ADGRA3: variants seen among roughly 807,000 people sequenced by gnomAD.
ADGRA3 encodes the protein adhesion G protein-coupled receptor A3, also known as G-protein coupled receptor 125.
ADGRA3 carries 56 observed loss-of-function variants against 119.8 expected under a neutral mutation model. The observed-to-expected ratio is 0.47, with a 90% CI of 0.38 to 0.58. The LOEUF (loss-of-function observed/expected upper bound fraction) is 0.58, where lower values mean the gene tolerates loss of function less well. Ranked by LOEUF, ADGRA3 falls within the 20% of genes least tolerant of loss-of-function variation. The pLI, the probability that ADGRA3 is intolerant of heterozygous loss-of-function variation, is 0.00. For missense variants in ADGRA3, 1,516 were observed against 1,649.0 expected (o/e 0.92, Z 1.40); for synonymous variants, 607 against 623.8 (o/e 0.97, Z 0.40).
rs756794895 is a variant in ADGRA3, at chr4:22,435,435, G to C, written c.1319C>G (p.Thr440Arg). 1 of 1,605,942 alleles carries C rather than the reference G, an allele frequency of 6.2e-7. No individual in the cohort carries two copies. The highest frequency in any genetic ancestry group is 2.2e-5 in the East Asian group (1 of 44,760). ...MPLNLTNAVATARQLLAYTVE... is the reference protein window; with the variant it reads ...MPLNLTNAVARARQLLAYTVE... ...AGTGTAAGCCAGTAACTGTCGAGCT[G>C]TTGCCACGGCATTGGTAAGATTGAG... Residue 440 changes from threonine to arginine, a missense_variant, in exon 10 of 19, where the codon ACA becomes AGA. This residue lies in a region of ADGRA3 where 1,088 missense variants were observed against 1,107.1 expected (regional missense o/e 0.98). Coordinates refer to ENST00000334304, the MANE Select transcript of ADGRA3 (RefSeq NM_145290.4).
chr4:22,515,309 T>G (rs181519747), intron 1 of ADGRA3: 6 of 438,844 alleles, frequency 1.4e-5, no homozygotes, highest in Non-Finnish European at 2.3e-5. Flanking sequence ...AACTTTACTT[T>G]GCAAACTAGT....
chr4:22,489,104 T>C lies in ADGRA3; in HGVS notation c.258-15261A>G, dbSNP rs545014981. ...TAATGGACTCACAGTTCCACATGGC[T>C]GGGGAGGCCTCATAATCATGGTGGA... is the stretch of plus-strand genomic sequence containing the variant. On this transcript the variant is annotated intron_variant, in intron 1 of 18. Coordinates refer to ENST00000334304, the MANE Select transcript of ADGRA3 (RefSeq NM_145290.4). Among the ~76,000 whole-genome samples the C allele has an allele frequency of 3.3e-5, 5 of 152,256 alleles. No homozygotes were observed. The East Asian group carries it at 7.7e-4, about 24-fold the overall frequency.
chr4:22,486,350 C>A (rs2109141418), intron 1 of ADGRA3, among the ~76,000 whole-genome samples: 1 of 152,282 alleles, frequency 6.6e-6, no homozygotes, highest in East Asian at 1.9e-4. Context: ...TCTCTGGATG[C>A]TAAGTGATTC....
In ADGRA3 at chr4:22,421,449, G is replaced by A. The variant is rs906629628; in HGVS notation, c.1606-360C>T. Among the ~76,000 whole-genome samples, 3 of 152,134 alleles carry A rather than the reference G, an allele frequency of 2.0e-5. No individual in the cohort carries two copies. The East Asian group carries it at 5.8e-4, about 29-fold the overall frequency. The stretch of plus-strand genomic sequence containing the variant: ...AAAAAAAATTCAGCTAGAGAAATCA[G>A]TGGACCCTCTAAATGCTCATCTTAC... On this transcript the variant is annotated intron_variant, in intron 11 of 18. Transcript: ENST00000334304.
At chr4:22,444,429 T>C (rs555649935) in intron 6 of ADGRA3, among the ~76,000 whole-genome samples, 1 of 152,096 alleles carries the variant, frequency 6.6e-6, no homozygotes, top group African/African-American at 2.4e-5. Flanking sequence ...GAAATTACAG[T>C]CACCTGCCAC....
chr4:22,500,659 T>C (rs1719018824), intron 1 of ADGRA3, among the ~76,000 whole-genome samples: 1 of 152,188 alleles, frequency 6.6e-6, no homozygotes, highest in African/African-American at 2.4e-5. Flanking sequence ...CAACAGGTTT[T>C]TTTACTCTGT....
intron 1 of ADGRA3, among the ~76,000 whole-genome samples, chr4:22,503,322 G>C (rs1446690721): frequency 2.0e-5 from 3 of 152,188 alleles, no homozygotes; most frequent in Non-Finnish European, 4.4e-5. Context: ...GAATACACCA[G>C]TAGTCAATCT....
chr4:22,469,059 A>G (rs537359413), intron 2 of ADGRA3, among the ~76,000 whole-genome samples: 1 of 152,164 alleles, frequency 6.6e-6, no homozygotes, highest in African/African-American at 2.4e-5. Context: ...ACCTGGGGAA[A>G]AAAAAAGACC....
At chr4:22,451,129 A>T (rs1004290782) in intron 4 of ADGRA3, among the ~76,000 whole-genome samples, 5 of 151,684 alleles carry the variant, frequency 3.3e-5, no homozygotes, top group African/African-American at 1.2e-4. Flanking sequence ...AGTTGTATGT[A>T]TGTATTTATA....
chr4:22,475,019 AT>A (rs371025877), intron 1 of ADGRA3, among the ~76,000 whole-genome samples: 7 of 152,314 alleles, frequency 4.6e-5, no homozygotes, highest in African/African-American at 1.7e-4. Flanking sequence ...CAAAACAGCC[AT>A]TTGGCATCTG....
chr4:22,495,825 C>T (rs896059144), intron 1 of ADGRA3, among the ~76,000 whole-genome samples: 2 of 151,930 alleles, frequency 1.3e-5, no homozygotes. Flanking sequence ...AGGAGAATGG[C>T]GTGAACCCGA....
chr4:22,395,057 G>A (rs1714294628), intron 16 of ADGRA3, among the ~76,000 whole-genome samples: 1 of 152,102 alleles, frequency 6.6e-6, no homozygotes, highest in African/African-American at 2.4e-5. Flanking sequence ...AAATAAATCA[G>A]AGATGTACAT....
At chr4:22,474,245 C>T (rs1717959846) in intron 1 of ADGRA3, among the ~76,000 whole-genome samples, 1 of 152,128 alleles carries the variant, frequency 6.6e-6, no homozygotes, top group Admixed American at 6.5e-5. Flanking sequence ...TTGTAAAATA[C>T]TGACTTTATA....
At position 22,445,180 on chromosome 4, in the gene ADGRA3, A is replaced by C. The variant is rs139532949; in HGVS notation, c.546-47T>G. ...TAGAGATTATAGTGAATAAAATTAA[A>C]TAGCACTTTTGTTTTATATTGGGTT... is the stretch of plus-strand genomic sequence containing the variant. On this transcript the variant is annotated intron_variant, in intron 5 of 18. Coordinates refer to ENST00000334304, the MANE Select transcript of ADGRA3 (RefSeq NM_145290.4). The C allele has an allele frequency of 4.6e-4, 728 of 1,567,224 alleles. 4 individuals carry two copies. The African/African-American group carries it at 7.9e-3, about 17-fold the overall frequency.
At chr4:22,476,710 AG>A (rs2109126615) in intron 1 of ADGRA3, among the ~76,000 whole-genome samples, 1 of 151,218 alleles carries the variant, frequency 6.6e-6, no homozygotes, top group African/African-American at 2.4e-5. Context: ...CTTGCTGCCC[AG>A]GTTGGAATAC....
chr4:22,483,725 T>C (rs183873248), intron 1 of ADGRA3, among the ~76,000 whole-genome samples: 1 of 152,336 alleles, frequency 6.6e-6, no homozygotes, highest in African/African-American at 2.4e-5. Context: ...TCCTTAATTA[T>C]GGCTTAATGT....
At chr4:22,456,281 T>C (rs1014408348) in intron 3 of ADGRA3, among the ~76,000 whole-genome samples, 41 of 152,052 alleles carry the variant, frequency 2.7e-4, no homozygotes, top group Admixed American at 4.6e-4. Context: ...TGGTGAAGCA[T>C]TGGTTTGGGT....
At chr4:22,436,840 T>C (rs549900320) in intron 8 of ADGRA3, among the ~76,000 whole-genome samples, 199 bp from the exon 9 acceptor site, 1 of 152,300 alleles carries the variant, frequency 6.6e-6, no homozygotes, top group African/African-American at 2.4e-5. Flanking sequence ...TTCAACATGT[T>C]TAATACAAGT....
intron 2 of ADGRA3, among the ~76,000 whole-genome samples, chr4:22,471,930 G>C (rs1362007070): frequency 6.6e-6 from 1 of 152,060 alleles, no homozygotes; most frequent in African/African-American, 2.4e-5. Flanking sequence ...TGAAAATAAG[G>C]TCAAAGACAA....
Sources: allele counts gnomAD v4.1 joint callset (sites outside exome capture counted in the v4.1 genomes callset), GRCh38; gene constraint gnomAD v4.1.1; regional missense constraint gnomAD v4.1.1; transcripts MANE v1.5; gene names NCBI Gene and HGNC (gene_info 2026-07-23, HGNC 2026-07-21).